The following ESD variants were observed in gnomAD, a reference collection of about 807,000 sequenced individuals.
ESD encodes esterase D.
A neutral mutation model predicts 38.1 loss-of-function variants in ESD; 34 were observed. The ratio of observed to expected loss-of-function variants is 0.89; its 90% CI spans 0.68 to 1.19. The LOEUF (loss-of-function observed/expected upper bound fraction) is 1.19. Among genes scored for constraint, ESD ranks in the 50% most tolerant of loss-of-function variants. The pLI is 0.00. For missense variants in ESD, 334 were observed against 327.2 expected (o/e 1.02, Z -0.16); for synonymous variants, 97 against 107.0 (o/e 0.91, Z 0.58).
At chr13:46,788,974 T>C (rs1375111051) in intron 3 of ESD, among the ~76,000 whole-genome samples, 8 of 152,184 alleles carry the variant, frequency 5.3e-5, no homozygotes, top group African/African-American at 1.9e-4. Context: ...ATGTTCTATC[T>C]ATGTATTGTC....
At chr13:46,789,154 T>TTCTTAATATTGATTAAC (rs1875303190) in intron 3 of ESD, among the ~76,000 whole-genome samples, 2 of 152,188 alleles carry the variant, frequency 1.3e-5, no homozygotes, top group Non-Finnish European at 2.9e-5. Context: ...ATAGCTCCAC[T>TTCTTAATATTGATTAAC]CATCTGGAAA....
At chr13:46,780,255 A>G (rs750510005) in intron 7 of ESD, among the ~76,000 whole-genome samples, 13 of 151,688 alleles carry the variant, frequency 8.6e-5, no homozygotes, top group Non-Finnish European at 1.5e-4. Flanking sequence ...AAGAGAGCTA[A>G]TAAGTATAGT....
At chr13:46,779,888 A>G in intron 8 of ESD, 47 bp downstream of exon 8, 1 of 1,457,662 alleles carries the variant, frequency 6.9e-7, no homozygotes, top group Middle Eastern at 1.8e-4. Flanking sequence ...CTTTTAAACA[A>G]ACTTGAAACT....
intron 3 of ESD, among the ~76,000 whole-genome samples, chr13:46,788,200 G>C (rs1313919545): frequency 1.3e-5 from 2 of 151,450 alleles, no homozygotes; most frequent in African/African-American, 4.8e-5. Flanking sequence ...TTTTGTTACT[G>C]GTTATCCTTC....
In ESD at chr13:46,782,765, C is replaced by T; in HGVS notation, c.283G>A (p.Glu95Lys). The T allele has an allele frequency of 6.2e-7, 1 of 1,612,290 alleles. No homozygotes were observed. The highest frequency in any genetic ancestry group is 8.5e-7 in the Non-Finnish European group (1 of 1,178,812). The change falls in exon 6 of 10, where the codon GAG (glutamate) becomes AAG (lysine). Residue 95 changes from glutamate (E) to lysine (K), a missense_variant. Physicochemically the swap from Glu to Lys is moderately conservative, Grantham distance 56. Transcript: ENST00000378720. ...GCACCAGTGCCAAAGTCCCAGCTCTCATCTTCACCTTTAATATTGCAGCCA... is the reference window on the plus strand; with the variant it reads ...GCACCAGTGCCAAAGTCCCAGCTCTTATCTTCACCTTTAATATTGCAGCCA... ...PRGCNIKGED[E>K]SWDFGTGAGF...
chr13:46,790,549 G>T (rs1308584714), intron 3 of ESD: 1 of 152,168 alleles, frequency 6.6e-6, no homozygotes, highest in Non-Finnish European at 1.5e-5. Context: ...CACTAATTGT[G>T]TCTGGTATTC....
intron 8 of ESD, among the ~76,000 whole-genome samples, chr13:46,779,353 G>T (rs1874915883): frequency 6.6e-6 from 1 of 151,610 alleles, no homozygotes; most frequent in Non-Finnish European, 1.5e-5. Context: ...TTAATAAGAG[G>T]CAAGTCTAAA....
chr13:46,785,060 A>G (rs1875143227), intron 4 of ESD, among the ~76,000 whole-genome samples: 1 of 152,058 alleles, frequency 6.6e-6, no homozygotes, highest in South Asian at 2.1e-4. Flanking sequence ...CAGCAACAAA[A>G]TTTAGCTTAA....
chr13:46,796,784 G>C (rs1875597371), intron 1 of ESD, among the ~76,000 whole-genome samples: 1 of 152,212 alleles, frequency 6.6e-6, no homozygotes, highest in Non-Finnish European at 1.5e-5. Flanking sequence ...CGGTGGCTGC[G>C]GGTCTAGGAA....
intron 3 of ESD, among the ~76,000 whole-genome samples, chr13:46,787,467 G>T (rs1875234374): frequency 6.6e-6 from 1 of 151,926 alleles, no homozygotes; most frequent in Non-Finnish European, 1.5e-5. Context: ...ATAAAAAAAT[G>T]AATTCTTGAG....
In ESD at chr13:46,772,697, T is replaced by A. The variant is rs189601572; in HGVS notation, c.769-1201A>T. 2.9e-4 allele frequency among the ~76,000 whole-genome samples: 42 copies of A among 145,642 alleles called. 1 individual carries two copies. The East Asian group carries it at 8.3e-3, about 29-fold the overall frequency. ...AAGTGAGAGCATGTGGTGTTTGGTCTTTTTTTTTTTTGAGACGGAGTCTCA... is the reference window on the plus strand; with the variant it reads ...AAGTGAGAGCATGTGGTGTTTGGTCATTTTTTTTTTTGAGACGGAGTCTCA... On this transcript the variant is annotated intron_variant, in intron 9 of 9. Coordinates refer to ENST00000378720, the MANE Select transcript of ESD (RefSeq NM_001984.2).
At chr13:46,774,288 G>A (rs146635086) in intron 9 of ESD, among the ~76,000 whole-genome samples, 2,002 of 152,260 alleles carry the variant, frequency 0.013, 51 homozygotes, top group African/African-American at 0.045. Flanking sequence ...GAAAATGCCT[G>A]CCATTGAGGG....
At chr13:46,792,181 C>G (rs1342508976) in intron 2 of ESD, among the ~76,000 whole-genome samples, 2 of 151,928 alleles carry the variant, frequency 1.3e-5, no homozygotes, top group African/African-American at 4.8e-5. Context: ...GCCTATTAAG[C>G]AAAGGGAAAC....
At chr13:46,792,259 A>C (rs558865565) in intron 2 of ESD, among the ~76,000 whole-genome samples, 1 of 152,132 alleles carries the variant, frequency 6.6e-6, no homozygotes, top group East Asian at 1.9e-4. Flanking sequence ...ACTGTATTAG[A>C]ATATAAGGCA....
intron 1 of ESD, among the ~76,000 whole-genome samples, 171 bp downstream of exon 1, chr13:46,796,934 T>C (rs1220256371): frequency 6.6e-6 from 1 of 152,354 alleles, no homozygotes; most frequent in Admixed American, 6.5e-5. Context: ...GAAAAGGTCC[T>C]TGGCCTCCTG....
At chr13:46,796,751 C>T (rs1875595368) in intron 1 of ESD, among the ~76,000 whole-genome samples, 1 of 152,254 alleles carries the variant, frequency 6.6e-6, no homozygotes, top group Non-Finnish European at 1.5e-5. Flanking sequence ...AAAATGCGTA[C>T]ACATCTACTT....
chr13:46,788,360 A>G (rs1448718028), intron 3 of ESD, among the ~76,000 whole-genome samples: 1 of 152,122 alleles, frequency 6.6e-6, no homozygotes, highest in East Asian at 1.9e-4. Flanking sequence ...AATTTCTGAC[A>G]TTTGTTTTTA....
At chr13:46,795,981 T>C (rs1875560954) in intron 1 of ESD, among the ~76,000 whole-genome samples, 1 of 152,114 alleles carries the variant, frequency 6.6e-6, no homozygotes, top group Non-Finnish European at 1.5e-5. Context: ...TTCATAAAAA[T>C]TCACATGGCT....
At chr13:46,797,426 T>G (rs76308766), upstream of ESD, among the ~76,000 whole-genome samples, 1,585 of 152,360 alleles carry the variant, frequency 0.01, 29 homozygotes, top group African/African-American at 0.037. Flanking sequence ...GGGATCAGTC[T>G]GCTGTGCGTG....
Sources: gnomAD v4.1 joint callset for allele counts (sites outside exome capture counted in the v4.1 genomes callset) on GRCh38, gnomAD v4.1.1 for gene constraint, MANE v1.5 for transcripts, NCBI Gene and HGNC (gene_info 2026-07-23, HGNC 2026-07-21) for gene names.